The following FBLN7 variants were observed in gnomAD, a reference collection of about 807,000 sequenced individuals.
FBLN7 encodes the protein fibulin-7.
A neutral mutation model predicts 44.0 loss-of-function variants in FBLN7; 31 were observed. The observed-to-expected ratio is 0.70, with a 90% confidence interval of 0.53 to 0.95. FBLN7 has a LOEUF of 0.95. Ranked by LOEUF, FBLN7 falls within the 40% of genes least tolerant of loss-of-function variation. The probability of loss-of-function intolerance (pLI) is 0.00; values close to 1 mark genes in which losing one functional copy is unlikely to be tolerated. For synonymous variants in FBLN7, 262 were observed against 253.4 expected (o/e 1.03, Z -0.32); for missense variants, 573 against 618.5 (o/e 0.93, Z 0.78).
chr2:112,196,991 C>T, the FBLN7 span, among the ~76,000 whole-genome samples: 1 of 151,950 alleles, frequency 6.6e-6, no homozygotes, highest in Non-Finnish European at 1.5e-5. Context: ...TTCACTATCA[C>T]AAGAACAGCA....
At chr2:112,196,774 TG>T in the FBLN7 span, among the ~76,000 whole-genome samples, 1 of 152,176 alleles carries the variant, frequency 6.6e-6, no homozygotes, top group African/African-American at 2.4e-5. Context: ...TCCGTTTTCA[TG>T]CTGCTGATAA....
chr2:112,197,274 C>CACACACACAGAGAGAGAGAGAGAGAGAG, the FBLN7 span, among the ~76,000 whole-genome samples: 1 of 98,596 alleles, frequency 1.0e-5, no homozygotes. Flanking sequence ...CACACACACA[C>CACACACACAGAGAGAGAGAGAGAGAGAG]AGAGAGAGAG....
At chr2:112,228,542 T>C in the FBLN7 span, among the ~76,000 whole-genome samples, 1 of 148,516 alleles carries the variant, frequency 6.7e-6, no homozygotes, top group African/African-American at 2.5e-5. Context: ...GACATCTACA[T>C]GTAAAAAAAA....
intron 2 of FBLN7, among the ~76,000 whole-genome samples, chr2:112,164,487 C>T (rs1004865304): frequency 3.9e-5 from 6 of 151,954 alleles, no homozygotes; most frequent in African/African-American, 7.3e-5. Flanking sequence ...GGGTTAGGCA[C>T]GGTGGCCAGG....
the FBLN7 span, among the ~76,000 whole-genome samples, chr2:112,202,747 G>C: frequency 6.6e-6 from 1 of 152,146 alleles, no homozygotes; most frequent in Non-Finnish European, 1.5e-5. Context: ...CACAGTATGA[G>C]CCTTGAAGAC....
At chr2:112,183,216 C>T (rs191905151) in intron 6 of FBLN7, among the ~76,000 whole-genome samples, 135 of 152,330 alleles carry the variant, frequency 8.9e-4, no homozygotes, top group African/African-American at 3.2e-3. Flanking sequence ...ACCCACTCAA[C>T]AATTCCTTCA....
chr2:112,240,774 TTAGC>T, the FBLN7 span, among the ~76,000 whole-genome samples: 1 of 152,358 alleles, frequency 6.6e-6, no homozygotes, highest in African/African-American at 2.4e-5. Flanking sequence ...TTTTCTTCAC[TTAGC>T]TAGCTATAAA....
intron 1 of FBLN7, among the ~76,000 whole-genome samples, chr2:112,147,149 G>C (rs1680934854): frequency 6.6e-6 from 1 of 152,202 alleles, no homozygotes; most frequent in South Asian, 2.1e-4. Flanking sequence ...ATGTCTGGTA[G>C]AATTTACCAA....
At chr2:112,172,676 C>T (rs1032271285) in intron 3 of FBLN7, among the ~76,000 whole-genome samples, 2 of 143,114 alleles carry the variant, frequency 1.4e-5, no homozygotes, top group Admixed American at 7.3e-5. Context: ...CTCTGTTGCC[C>T]AGACTGGAGA....
intron 2 of FBLN7, among the ~76,000 whole-genome samples, chr2:112,160,821 CAA>C (rs1373120484): frequency 4.8e-5 from 7 of 147,304 alleles, no homozygotes; most frequent in African/African-American, 1.0e-4. Flanking sequence ...CACGCACACA[CAA>C]GCACGCATAC....
chr2:112,197,225 G>T, the FBLN7 span, among the ~76,000 whole-genome samples: 4 of 108,198 alleles, frequency 3.7e-5, no homozygotes, highest in African/African-American at 1.3e-4. Flanking sequence ...ACTGGCATCC[G>T]TAAGAGAAAA....
chr2:112,160,748 GCACGCA>G (rs753340427), intron 2 of FBLN7, among the ~76,000 whole-genome samples: 11,506 of 67,334 alleles, frequency 0.17, 562 homozygotes, highest in Middle Eastern at 0.3. Context: ...GCACACACGC[GCACGCA>G]CACACGCACG....
At chr2:112,228,881 A>G in the FBLN7 span, among the ~76,000 whole-genome samples, 134 of 151,666 alleles carry the variant, frequency 8.8e-4, no homozygotes, top group Middle Eastern at 3.4e-3. Flanking sequence ...CTAAAACTCA[A>G]TAAGAAAACA....
chr2:112,159,081 C>G (rs1029106745), intron 1 of FBLN7, among the ~76,000 whole-genome samples: 1 of 151,974 alleles, frequency 6.6e-6, no homozygotes. Context: ...AGTTAGGTAG[C>G]CTTTATCATG....
intron 4 of FBLN7, chr2:112,177,809 G>A (rs1001504157): frequency 3.3e-5 from 5 of 152,046 alleles, no homozygotes; most frequent in African/African-American, 1.2e-4. Context: ...TTGTCCACTT[G>A]TGTTTGATTC....
chr2:112,187,540 A>C lies in FBLN7; in HGVS notation c.*34A>C. The C allele has an allele frequency of 6.3e-7, 1 of 1,599,708 alleles. No individual in the cohort carries two copies. The highest frequency in any genetic ancestry group is 1.1e-5 in the South Asian group (1 of 89,982). ...AGGGGCACTGGGGTGTGGAGAGCTG[A>C]CCTCATTTCTCTTCCCCGAAGGCTC... On this transcript the variant is annotated 3_prime_UTR_variant, in exon 8 of 8. Coordinates refer to ENST00000331203, the MANE Select transcript of FBLN7 (RefSeq NM_153214.3). This position sits in a 1 kb window ranked among gnomAD's most constrained non-coding sequence, Gnocchi z 5.1.
the FBLN7 span, chr2:112,211,415 A>T: frequency 6.6e-6 from 1 of 152,228 alleles, no homozygotes; most frequent in East Asian, 1.9e-4. Flanking sequence ...GAGCCATCTT[A>T]GAACTCTGCC....
chr2:112,186,478 A>G (rs2104612667), intron 7 of FBLN7, among the ~76,000 whole-genome samples: 1 of 152,178 alleles, frequency 6.6e-6, no homozygotes, highest in African/African-American at 2.4e-5. Context: ...CGTCTCTACT[A>G]AAAATACAAA....
chr2:112,204,163 A>G, the FBLN7 span, among the ~76,000 whole-genome samples: 148 of 152,252 alleles, frequency 9.7e-4, no homozygotes, highest in African/African-American at 3.0e-3. Flanking sequence ...GTTGAAAAGT[A>G]TAAGGCTGAA....
Sources: gnomAD v4.1 joint callset for allele counts (sites outside exome capture counted in the v4.1 genomes callset) on GRCh38, gnomAD v4.1.1 for gene constraint, Gnocchi (gnomAD v3.1) non-coding constraint, MANE v1.5 for transcripts, NCBI Gene and HGNC (gene_info 2026-07-23, HGNC 2026-07-21) for gene names.